The following ATP10B variants were observed in gnomAD, a reference collection of about 807,000 sequenced individuals.
ATP10B encodes phospholipid-transporting ATPase VB.
ATP10B carries 122 observed loss-of-function variants against 141.2 expected under a neutral mutation model. The observed-to-expected ratio is 0.86, with a 90% CI of 0.75 to 1.00. The LOEUF is 1.00. Ranked by LOEUF, ATP10B falls within the 50% of genes least tolerant of loss-of-function variation. The pLI is 0.00. For missense variants in ATP10B, 1,876 were observed against 1,825.3 expected (o/e 1.03, Z -0.51); for synonymous variants, 685 against 692.0 (o/e 0.99, Z 0.16).
intron 3 of ATP10B, among the ~76,000 whole-genome samples, chr5:160,703,215 C>T (rs574080155): frequency 1.5e-4 from 23 of 152,128 alleles, no homozygotes; most frequent in African/African-American, 3.6e-4. Context: ...AGGCGTAACT[C>T]GGAGACTGTG....
intron 20 of ATP10B, 111 bp from the exon 21 acceptor site, chr5:160,602,813 A>G: frequency 6.8e-7 from 1 of 1,472,360 alleles, no homozygotes; most frequent in Non-Finnish European, 9.3e-7. Context: ...AGAGTCCTAA[A>G]GACCCCTTGT....
At chr5:160,605,496 C>T (rs1357613877) in intron 19 of ATP10B, among the ~76,000 whole-genome samples, 1 of 152,130 alleles carries the variant, frequency 6.6e-6, no homozygotes, top group Non-Finnish European at 1.5e-5. Flanking sequence ...CAATATCTGA[C>T]CTCAGAGAAA....
chr5:160,830,385 G>A (rs998112207), intron 1 of ATP10B, among the ~76,000 whole-genome samples: 1 of 152,036 alleles, frequency 6.6e-6, no homozygotes, highest in African/African-American at 2.4e-5. Context: ...TTGACTTTAT[G>A]CCTTGGAAGT....
intron 2 of ATP10B, among the ~76,000 whole-genome samples, chr5:160,752,504 C>T (rs144054199): frequency 6.8e-4 from 103 of 152,220 alleles, no homozygotes; most frequent in Non-Finnish European, 1.4e-3. Context: ...TATCTGACTT[C>T]GAATCTAATT....
the ATP10B span, among the ~76,000 whole-genome samples, chr5:160,877,999 C>A: frequency 2.0e-5 from 3 of 151,942 alleles, no homozygotes; most frequent in Non-Finnish European, 4.4e-5. Context: ...ATCAAGCTAC[C>A]AATGATTTTC....
the ATP10B span, among the ~76,000 whole-genome samples, chr5:160,913,629 G>GC: frequency 2.2e-3 from 330 of 152,122 alleles, no homozygotes; most frequent in African/African-American, 7.5e-3. Context: ...CCAACTCAAG[G>GC]CCCCTAAGAA....
the ATP10B span, among the ~76,000 whole-genome samples, chr5:160,916,188 A>G: frequency 6.6e-6 from 1 of 152,258 alleles, no homozygotes; most frequent in African/African-American, 2.4e-5. Context: ...AAAAGCAGCT[A>G]TGGAATCCAA....
upstream of ATP10B, among the ~76,000 whole-genome samples, chr5:160,857,027 A>G (rs1010922441): frequency 1.3e-5 from 2 of 151,682 alleles, no homozygotes; most frequent in East Asian, 3.9e-4. Flanking sequence ...ATAATTTTTT[A>G]TACTGTTTTT....
the ATP10B span, among the ~76,000 whole-genome samples, chr5:160,905,930 G>A: frequency 6.6e-6 from 1 of 152,062 alleles, no homozygotes; most frequent in African/African-American, 2.4e-5. Flanking sequence ...TGTGGAGAGA[G>A]CTAAGGAAGA....
intron 9 of ATP10B, among the ~76,000 whole-genome samples, chr5:160,643,843 T>C (rs1161705886): frequency 6.6e-6 from 1 of 152,202 alleles, no homozygotes; most frequent in African/African-American, 2.4e-5. Flanking sequence ...CTTAAGAAGA[T>C]ACACTTCATT....
chr5:160,818,786 TG>T (rs1773881236), intron 1 of ATP10B, among the ~76,000 whole-genome samples: 1 of 152,186 alleles, frequency 6.6e-6, no homozygotes, highest in African/African-American at 2.4e-5. Flanking sequence ...TAAGAAAATG[TG>T]GCACATGTAC....
chr5:160,677,368 T>C (rs1200491551), intron 6 of ATP10B, among the ~76,000 whole-genome samples: 2 of 152,292 alleles, frequency 1.3e-5, no homozygotes, highest in East Asian at 3.9e-4. Context: ...GTGCCAAGTG[T>C]AGAGCAAAGG....
At chr5:160,850,488 G>A (rs1415476237) in intron 1 of ATP10B, among the ~76,000 whole-genome samples, 1 of 152,016 alleles carries the variant, frequency 6.6e-6, no homozygotes, top group Non-Finnish European at 1.5e-5. Flanking sequence ...TTGGACTCTG[G>A]TGTCCTTTTC....
chr5:160,863,643 G>C, the ATP10B span, among the ~76,000 whole-genome samples: 1 of 151,768 alleles, frequency 6.6e-6, no homozygotes, highest in Middle Eastern at 3.4e-3. Flanking sequence ...AAAAATACAA[G>C]GGATAAATGA....
At chr5:160,592,358 T>C (rs1334958820) in intron 22 of ATP10B, among the ~76,000 whole-genome samples, 1 of 152,176 alleles carries the variant, frequency 6.6e-6, no homozygotes, top group Non-Finnish European at 1.5e-5. Context: ...TATAGGATCC[T>C]TCTGCATGGC....
intron 1 of ATP10B, among the ~76,000 whole-genome samples, chr5:160,818,940 A>G (rs1036633070): frequency 6.6e-6 from 1 of 152,156 alleles, no homozygotes; most frequent in Non-Finnish European, 1.5e-5. Flanking sequence ...ATAGGTGGGA[A>G]TTGAACAATG....
rs762043205 is a variant in ATP10B at position 160,565,454 on chromosome 5, C to T, written c.4385G>A (p.Ter1462=). 11 of 1,613,802 alleles carry T rather than the reference C, an allele frequency of 6.8e-6. No individual in the cohort carries two copies. The highest frequency in any genetic ancestry group is 1.7e-4 in the Middle Eastern group (1 of 6,056). ...GTTTGTACAGATTTCTGCAGCTCCT[C>T]ATATGGTCAGTGAACTCTGGGATCG... ...HRRSQSSLTI[*] The change falls in exon 26 of 26, where the codon TGA becomes TAA. Residue 1462 remains the stop codon, a stop_retained_variant. Transcript: ENST00000327245.
At chr5:160,629,520 T>C (rs778048931) in intron 13 of ATP10B, among the ~76,000 whole-genome samples, 1 of 152,176 alleles carries the variant, frequency 6.6e-6, no homozygotes, top group Non-Finnish European at 1.5e-5. Context: ...AGACCAAATA[T>C]ACCAGGATCT....
At chr5:160,778,948 A>T (rs375352710) in intron 2 of ATP10B, among the ~76,000 whole-genome samples, 1 of 152,138 alleles carries the variant, frequency 6.6e-6, no homozygotes, top group African/African-American at 2.4e-5. Context: ...CAAAAATGGG[A>T]TAATAGTAGT....
Sources: allele counts gnomAD v4.1 joint callset (sites outside exome capture counted in the v4.1 genomes callset), GRCh38; gene constraint gnomAD v4.1.1; transcripts MANE v1.5; gene names NCBI Gene and HGNC (gene_info 2026-07-23, HGNC 2026-07-21).